The following RNF169 variants were observed in gnomAD, a reference collection of about 807,000 sequenced individuals.
RNF169 encodes ring finger protein 169.
RNF169 carries 24 observed loss-of-function variants against 53.9 expected under a neutral mutation model. That is an observed-to-expected ratio of 0.45 (90% CI 0.32 to 0.63). RNF169 has a LOEUF of 0.63. RNF169 is among the 20% of genes least tolerant of loss of function. RNF169 has a pLI of 0.04. For synonymous variants in RNF169, 396 were observed against 363.5 expected (o/e 1.09, Z -1.02); for missense variants, 883 against 906.2 (o/e 0.97, Z 0.33).
In RNF169 at chr11:74,841,753, C is replaced by G. The variant is rs1043156450; in HGVS notation, c.*5023C>G. On this transcript the variant is annotated 3_prime_UTR_variant, in exon 6 of 6. Transcript: ENST00000299563. ...TTCCTGTCATTTAAGGTAAAACAGG[C>G]AATGAACTCGCTCTTCAAATACCAT... 6 of 152,158 alleles carry G rather than the reference C, an allele frequency of 3.9e-5. No individual in the cohort carries two copies. The highest frequency in any genetic ancestry group is 1.4e-4 in the African/African-American group (6 of 41,444). 9.4% of individuals were successfully genotyped at this position (152,158 alleles called of 1,614,324 possible).
intron 2 of RNF169, among the ~76,000 whole-genome samples, chr11:74,796,676 A>T (rs114550022): frequency 6.6e-6 from 1 of 151,768 alleles, no homozygotes; most frequent in Non-Finnish European, 1.5e-5. Context: ...AAGGTGGGGG[A>T]AAAGATTGAA....
intron 1 of RNF169, among the ~76,000 whole-genome samples, chr11:74,765,305 T>C (rs2035155362): frequency 6.6e-6 from 1 of 152,204 alleles, no homozygotes; most frequent in Admixed American, 6.5e-5. Flanking sequence ...ATGCATCCTT[T>C]TTAAACTAAT....
At chr11:74,816,192 G>A (rs1242398387) in intron 3 of RNF169, among the ~76,000 whole-genome samples, 1 of 152,142 alleles carries the variant, frequency 6.6e-6, no homozygotes, top group Non-Finnish European at 1.5e-5. Flanking sequence ...GATGCCTTGC[G>A]TGCCTACATC....
intron 1 of RNF169, among the ~76,000 whole-genome samples, chr11:74,770,272 C>T (rs1409856527): frequency 6.6e-6 from 1 of 152,232 alleles, no homozygotes; most frequent in Non-Finnish European, 1.5e-5. Flanking sequence ...CGATAGCCAT[C>T]GTATTTCTTT....
chr11:74,772,169 A>T (rs944749050), intron 1 of RNF169, among the ~76,000 whole-genome samples: 1 of 133,354 alleles, frequency 7.5e-6, no homozygotes, highest in Non-Finnish European at 1.5e-5. Context: ...TAAGGGAAAA[A>T]TTGGTCTTTT....
intron 1 of RNF169, among the ~76,000 whole-genome samples, chr11:74,765,756 T>A (rs532368735): frequency 6.7e-6 from 1 of 150,270 alleles, no homozygotes; most frequent in Non-Finnish European, 1.5e-5. Flanking sequence ...GAGCTGAGAT[T>A]GCGCCATTGC....
chr11:74,800,525 T>C (rs1353852976), intron 2 of RNF169, among the ~76,000 whole-genome samples: 2 of 152,186 alleles, frequency 1.3e-5, no homozygotes, highest in Non-Finnish European at 2.9e-5. Flanking sequence ...GTCTGTAAAA[T>C]AGACATCATA....
chr11:74,817,146 GA>G (rs371069381), intron 3 of RNF169, among the ~76,000 whole-genome samples: 121 of 152,254 alleles, frequency 7.9e-4, no homozygotes, highest in African/African-American at 2.7e-3. Flanking sequence ...CTTAATTTAA[GA>G]ACTAGTTTTA....
chr11:74,760,269 A>T (rs2035060177), intron 1 of RNF169, among the ~76,000 whole-genome samples: 1 of 151,986 alleles, frequency 6.6e-6, no homozygotes, highest in South Asian at 2.1e-4. Context: ...CAGCTCCTGG[A>T]TTCATTGATT....
intron 4 of RNF169, among the ~76,000 whole-genome samples, chr11:74,829,291 G>A (rs2036141755): frequency 6.6e-6 from 1 of 152,192 alleles, no homozygotes; most frequent in Admixed American, 6.5e-5. Context: ...ACCATAATGA[G>A]ATACCATCTC....
intron 2 of RNF169, among the ~76,000 whole-genome samples, chr11:74,799,585 T>C (rs1466054721): frequency 6.6e-6 from 1 of 152,178 alleles, no homozygotes; most frequent in African/African-American, 2.4e-5. Flanking sequence ...AGTATAATTA[T>C]TTTTATGGTT....
chr11:74,764,368 T>C (rs374271816), intron 1 of RNF169, among the ~76,000 whole-genome samples: 5 of 152,304 alleles, frequency 3.3e-5, no homozygotes, highest in African/African-American at 1.2e-4. Flanking sequence ...ACCCTGTCTC[T>C]ACTAAATACA....
rs565221985 is a variant in RNF169 at position 74,750,791 on chromosome 11, A to G, written c.502+1409A>G. Among the ~76,000 whole-genome samples the G allele has an allele frequency of 1.8e-4, 26 of 142,422 alleles. No individual in the cohort carries two copies. The East Asian group carries it at 5.5e-3, about 30-fold the overall frequency. 93.4% of individuals were successfully genotyped at this position (142,422 alleles called of 152,430 possible). On this transcript the variant is annotated intron_variant, in intron 1 of 5. Coordinates refer to ENST00000299563, the MANE Select transcript of RNF169 (RefSeq NM_001098638.2). ...CGGCTTTTTTGTATTTTTAGTACAG[A>G]TGAGGTTTCACTGTGTTGGCCAGGC...
intron 1 of RNF169, among the ~76,000 whole-genome samples, chr11:74,785,657 C>CA (rs2035489790): frequency 6.6e-6 from 1 of 151,728 alleles, no homozygotes; most frequent in Admixed American, 6.6e-5. Context: ...CCTGTTGGGG[C>CA]AAAAAATGAT....
chr11:74,783,582 T>C (rs1284987795), intron 1 of RNF169, among the ~76,000 whole-genome samples: 1 of 152,226 alleles, frequency 6.6e-6, no homozygotes, highest in Non-Finnish European at 1.5e-5. Flanking sequence ...GCTTCAGTGC[T>C]ACTAAACACT....
At chr11:74,769,672 A>G (rs946275096) in intron 1 of RNF169, among the ~76,000 whole-genome samples, 10 of 152,054 alleles carry the variant, frequency 6.6e-5, no homozygotes, top group Non-Finnish European at 1.5e-4. Context: ...AAATACTTGC[A>G]AAAGGAAAAG....
At chr11:74,773,148 G>A (rs935569888) in intron 1 of RNF169, among the ~76,000 whole-genome samples, 1 of 152,144 alleles carries the variant, frequency 6.6e-6, no homozygotes, top group South Asian at 2.1e-4. Flanking sequence ...CGAGACCTGG[G>A]GTAGCATTTG....
intron 2 of RNF169, among the ~76,000 whole-genome samples, chr11:74,796,781 T>TA (rs2035655114): frequency 1.3e-5 from 2 of 152,244 alleles, no homozygotes; most frequent in Admixed American, 1.3e-4. Context: ...GTGGAGCATA[T>TA]GAGTGGCTTA....
At chr11:74,758,858 A>G (rs1199256430) in intron 1 of RNF169, among the ~76,000 whole-genome samples, 4 of 150,990 alleles carry the variant, frequency 2.6e-5, no homozygotes, top group Admixed American at 6.6e-5. Context: ...AGTCATTGGT[A>G]GCTTGATGGG....
Sources: allele counts gnomAD v4.1 joint callset (sites outside exome capture counted in the v4.1 genomes callset), GRCh38; gene constraint gnomAD v4.1.1; transcripts MANE v1.5; gene names NCBI Gene and HGNC (gene_info 2026-07-23, HGNC 2026-07-21).